Variants in CCDC171 observed in about 807,000 individuals in gnomAD.
CCDC171 encodes the protein coiled-coil domain containing 171, also known as coiled-coil domain-containing protein 171.
Under a neutral mutation model 168.2 loss-of-function variants are expected in CCDC171, and 177 were observed. That is an observed-to-expected ratio of 1.05 (90% confidence interval 0.93 to 1.19). CCDC171 has a LOEUF of 1.19. Among genes scored for constraint, CCDC171 ranks in the 50% most tolerant of loss-of-function variants. The pLI, the probability that CCDC171 is intolerant of heterozygous loss-of-function variation, is 0.00. For synonymous variants in CCDC171, 687 were observed against 540.8 expected (o/e 1.27, Z -3.75); for missense variants, 1,991 against 1,539.0 (o/e 1.29, Z -4.91).
At chr9:15,752,473 A>G (rs950180655) in intron 18 of CCDC171, among the ~76,000 whole-genome samples, 10 of 151,632 alleles carry the variant, frequency 6.6e-5, no homozygotes, top group African/African-American at 2.2e-4. Context: ...GCGGCACCAT[A>G]GCAAAGACTT....
chr9:15,632,826 A>G (rs910421109), intron 7 of CCDC171, among the ~76,000 whole-genome samples: 3 of 152,224 alleles, frequency 2.0e-5, no homozygotes, highest in African/African-American at 7.2e-5. Flanking sequence ...AAACAGAGAT[A>G]TAGATCAATA....
intron 21 of CCDC171, among the ~76,000 whole-genome samples, chr9:15,822,293 A>T (rs1354277376): frequency 6.6e-6 from 1 of 152,072 alleles, no homozygotes; most frequent in Non-Finnish European, 1.5e-5. Context: ...CATGTCTAAA[A>T]CACCGAAGGC....
At chr9:15,667,466 T>C (rs566072569) in intron 9 of CCDC171, among the ~76,000 whole-genome samples, 25 of 152,104 alleles carry the variant, frequency 1.6e-4, no homozygotes, top group African/African-American at 5.8e-4. Context: ...GCTAACATGG[T>C]GAAACCCTGT....
At chr9:15,804,606 C>G (rs989515469) in intron 21 of CCDC171, among the ~76,000 whole-genome samples, 1 of 152,010 alleles carries the variant, frequency 6.6e-6, no homozygotes, top group African/African-American at 2.4e-5. Flanking sequence ...GGTGGATAAG[C>G]TTTTTGATGT....
chr9:15,854,830 A>C (rs2061285165), intron 23 of CCDC171, among the ~76,000 whole-genome samples: 2 of 151,510 alleles, frequency 1.3e-5, no homozygotes, highest in African/African-American at 4.8e-5. Context: ...AATTTCTATG[A>C]TTTCTTCATT....
At chr9:15,673,128 G>T (rs1002840653) in intron 9 of CCDC171, among the ~76,000 whole-genome samples, 1 of 152,106 alleles carries the variant, frequency 6.6e-6, no homozygotes, top group African/African-American at 2.4e-5. Context: ...TTATGAATGG[G>T]AGTTCACTCA....
At chr9:15,578,007 C>A (rs531272185) in intron 3 of CCDC171, among the ~76,000 whole-genome samples, 2 of 152,260 alleles carry the variant, frequency 1.3e-5, no homozygotes, top group East Asian at 3.9e-4. Context: ...ATTCGATATT[C>A]GTTCATTTAA....
chr9:15,769,306 G>A (rs1006926958), intron 18 of CCDC171, among the ~76,000 whole-genome samples: 1 of 152,068 alleles, frequency 6.6e-6, no homozygotes, highest in Non-Finnish European at 1.5e-5. Flanking sequence ...AGAGAGAGAG[G>A]GTCAAGAATA....
chr9:15,591,411 C>T lies in CCDC171; in HGVS notation c.398C>T (p.Ala133Val), dbSNP rs769466012. The T allele has an allele frequency of 6.2e-7, 1 of 1,607,938 alleles. No homozygotes were observed. Among genetic ancestry groups the T allele is most frequent in the Non-Finnish European group, 8.5e-7 (1 of 1,177,822 alleles). The change falls in exon 5 of 26, where the codon GCA becomes GTA. Residue 133 changes from alanine (A) to valine (V), a missense_variant. Physicochemically the swap from Ala to Val is moderately conservative, Grantham distance 64. Coordinates refer to ENST00000380701, the MANE Select transcript of CCDC171 (RefSeq NM_173550.4). ...LQAKTNETEK[A>V]FQTSQQKWKE... ...GCAAAGACAAATGAGACTGAGAAAG[C>T]ATTTCAGACTTCTCAGCAAAAATGG...
At chr9:15,623,516 A>C in intron 7 of CCDC171, 103 bp downstream of exon 7, 5 of 363,330 alleles carry the variant, frequency 1.4e-5, no homozygotes, top group African/African-American at 3.7e-5. Context: ...CATAAAACCC[A>C]TTCCGTGATT....
intron 24 of CCDC171, chr9:15,885,822 A>G (rs1468796673): frequency 6.6e-6 from 1 of 152,218 alleles, no homozygotes; most frequent in Non-Finnish European, 1.5e-5. Context: ...ATTAAGGAAG[A>G]TGCAGTAAAT....
chr9:15,758,522 A>T (rs2056264882), intron 18 of CCDC171, among the ~76,000 whole-genome samples: 1 of 152,102 alleles, frequency 6.6e-6, no homozygotes, highest in Non-Finnish European at 1.5e-5. Context: ...TGGACTGTGG[A>T]CTTTTGAGTT....
intron 6 of CCDC171, among the ~76,000 whole-genome samples, chr9:16,033,887 G>A (rs1336397251): frequency 6.6e-6 from 1 of 152,194 alleles, no homozygotes; most frequent in African/African-American, 2.4e-5. Flanking sequence ...CCCAAGGGCA[G>A]GTGTGCCTCC....
chr9:15,589,125 G>A (rs978703399), intron 4 of CCDC171, among the ~76,000 whole-genome samples: 2 of 152,136 alleles, frequency 1.3e-5, no homozygotes, highest in Non-Finnish European at 2.9e-5. Context: ...GGGAAAACAC[G>A]TTTCCCTTCT....
At chr9:15,752,702 C>T (rs900415355) in intron 18 of CCDC171, among the ~76,000 whole-genome samples, 38 of 151,972 alleles carry the variant, frequency 2.5e-4, no homozygotes, top group African/African-American at 4.6e-4. Flanking sequence ...TGAGAACACA[C>T]GGACACAGGG....
At chr9:15,679,788 G>T (rs370180808) in intron 10 of CCDC171, among the ~76,000 whole-genome samples, 1 of 152,130 alleles carries the variant, frequency 6.6e-6, no homozygotes, top group African/African-American at 2.4e-5. Flanking sequence ...GCCTCAAGTG[G>T]TCCTCCTGTC....
At chr9:15,646,136 C>A (rs1156349823) in intron 7 of CCDC171, among the ~76,000 whole-genome samples, 1 of 152,146 alleles carries the variant, frequency 6.6e-6, no homozygotes, top group Admixed American at 6.6e-5. Context: ...AATTTCTTAT[C>A]CAGCCAAACT....
intron 18 of CCDC171, among the ~76,000 whole-genome samples, chr9:15,773,703 AT>A (rs71325932): frequency 4.2e-4 from 64 of 151,158 alleles, no homozygotes; most frequent in African/African-American, 1.5e-3. Context: ...TCACTAGAGG[AT>A]TTTTTTTTGT....
At chr9:15,728,869 GAAGT>G (rs1187307165) in intron 15 of CCDC171, among the ~76,000 whole-genome samples, 1 of 152,008 alleles carries the variant, frequency 6.6e-6, no homozygotes, top group Admixed American at 6.6e-5. Flanking sequence ...AAATTCTGTT[GAAGT>G]AATAAAACAG....
Sources: gnomAD v4.1 joint callset for allele counts (sites outside exome capture counted in the v4.1 genomes callset) on GRCh38, gnomAD v4.1.1 for gene constraint, MANE v1.5 for transcripts, NCBI Gene and HGNC (gene_info 2026-07-23, HGNC 2026-07-21) for gene names.